Variants in BMP6 observed in about 807,000 individuals in gnomAD.
BMP6 encodes the protein bone morphogenetic protein 6.
Under a neutral mutation model 54.1 loss-of-function variants are expected in BMP6, and 17 were observed. That is an observed-to-expected ratio of 0.31 (90% confidence interval 0.22 to 0.47). The LOEUF (loss-of-function observed/expected upper bound fraction) is 0.47. Ranked by LOEUF, BMP6 falls within the 20% of genes least tolerant of loss-of-function variation. BMP6 has a pLI of 1.00. For synonymous variants in BMP6, 328 were observed against 291.2 expected, an observed-to-expected ratio of 1.13 and a Z score of -1.28; for missense variants, 720 against 690.4, an observed-to-expected ratio of 1.04 and a Z score of -0.48.
At chr6:7,739,283 A>G (rs1309618643) in intron 1 of BMP6, among the ~76,000 whole-genome samples, 3 of 152,156 alleles carry the variant, frequency 2.0e-5, no homozygotes, top group Admixed American at 2.0e-4. Flanking sequence ...AATTTGGGCA[A>G]TTTGGGTAGG....
intron 1 of BMP6, among the ~76,000 whole-genome samples, chr6:7,782,423 G>A (rs1757961315): frequency 6.6e-6 from 1 of 152,136 alleles, no homozygotes; most frequent in Non-Finnish European, 1.5e-5. Context: ...CAAAGTAACT[G>A]AAGCAGCCCA....
intron 1 of BMP6, among the ~76,000 whole-genome samples, chr6:7,788,010 TTAAG>T (rs1419421033): frequency 2.0e-5 from 3 of 152,298 alleles, no homozygotes; most frequent in African/African-American, 7.2e-5. Context: ...TGATATAACT[TTAAG>T]TATAGTTTCA....
chr6:7,802,047 T>C (rs1279609080), intron 1 of BMP6, among the ~76,000 whole-genome samples: 1 of 152,202 alleles, frequency 6.6e-6, no homozygotes, highest in African/African-American at 2.4e-5. Context: ...ATCTGCTTCC[T>C]GAACACAGAG....
At chr6:7,813,835 C>G (rs1189550941) in intron 1 of BMP6, among the ~76,000 whole-genome samples, 2 of 152,218 alleles carry the variant, frequency 1.3e-5, no homozygotes, top group East Asian at 1.9e-4. Context: ...CCCCCTCACC[C>G]CTACTGCCCC....
chr6:7,738,598 C>A (rs1761996966), intron 1 of BMP6, among the ~76,000 whole-genome samples: 1 of 151,730 alleles, frequency 6.6e-6, no homozygotes, highest in Admixed American at 6.6e-5. Flanking sequence ...TTCTCTGTTC[C>A]AGGTTGGACC....
chr6:7,838,337 T>TG (rs1167000393), intron 1 of BMP6, among the ~76,000 whole-genome samples: 1 of 152,168 alleles, frequency 6.6e-6, no homozygotes, highest in East Asian at 1.9e-4. Context: ...AGGCATCCAT[T>TG]GGGGCCCTTG....
intron 2 of BMP6, among the ~76,000 whole-genome samples, chr6:7,848,679 C>T (rs1332736547): frequency 2.0e-5 from 3 of 152,168 alleles, no homozygotes; most frequent in Non-Finnish European, 4.4e-5. Context: ...CTTTTCTGGG[C>T]AGTGGGCAAG....
intron 1 of BMP6, among the ~76,000 whole-genome samples, chr6:7,761,188 A>G (rs1211407466): frequency 6.6e-6 from 1 of 152,220 alleles, no homozygotes; most frequent in African/African-American, 2.4e-5. Flanking sequence ...CAGCTGTTTT[A>G]TGAGACTCTG....
At chr6:7,834,426 A>T (rs556168032) in intron 1 of BMP6, among the ~76,000 whole-genome samples, 176 of 152,286 alleles carry the variant, frequency 1.2e-3, no homozygotes, top group African/African-American at 4.2e-3. Flanking sequence ...ATATAGAAAT[A>T]CAGAAAGAAT....
chr6:7,750,310 C>A (rs373168518), intron 1 of BMP6, among the ~76,000 whole-genome samples: 1 of 151,990 alleles, frequency 6.6e-6, no homozygotes, highest in South Asian at 2.1e-4. Context: ...GAGAGGCTGA[C>A]GTGTAGATAC....
At chr6:7,788,314 C>G (rs1368620031) in intron 1 of BMP6, among the ~76,000 whole-genome samples, 1 of 152,112 alleles carries the variant, frequency 6.6e-6, no homozygotes, top group African/African-American at 2.4e-5. Flanking sequence ...TCATATGCAT[C>G]CTGTATGGAA....
chr6:7,840,148 A>G (rs1225985), intron 1 of BMP6, among the ~76,000 whole-genome samples: 151,997 of 152,314 alleles, frequency 1, 75,841 homozygotes, highest in Middle Eastern at 1. Context: ...CCAGGCCTAC[A>G]TTTTCCATGT....
At chr6:7,841,986 G>A (rs769609403) in intron 1 of BMP6, among the ~76,000 whole-genome samples, 2 of 151,928 alleles carry the variant, frequency 1.3e-5, no homozygotes, top group African/African-American at 2.4e-5. Flanking sequence ...TTCCTTAGTC[G>A]TACATATGGG....
intron 4 of BMP6, among the ~76,000 whole-genome samples, chr6:7,876,875 A>G (rs1411196742): frequency 6.6e-6 from 1 of 150,598 alleles, no homozygotes; most frequent in African/African-American, 2.5e-5. Flanking sequence ...TATTTTAGGT[A>G]TTCTTCCTTT....
At chr6:7,747,438 C>G (rs1325969042) in intron 1 of BMP6, among the ~76,000 whole-genome samples, 2 of 152,090 alleles carry the variant, frequency 1.3e-5, no homozygotes, top group African/African-American at 4.8e-5. Flanking sequence ...GGAAGGGGTC[C>G]CCAGGCCGAG....
intron 1 of BMP6, among the ~76,000 whole-genome samples, chr6:7,799,771 G>A (rs1758242709): frequency 6.6e-6 from 1 of 151,596 alleles, no homozygotes; most frequent in Non-Finnish European, 1.5e-5. Flanking sequence ...TGTCTCTGGT[G>A]CTTAAAAGCA....
chr6:7,877,590 T>G lies in BMP6; in HGVS notation c.1205-1484T>G, dbSNP rs191400245. On this transcript the variant is annotated intron_variant, in intron 4 of 6. Coordinates refer to ENST00000283147, the MANE Select transcript of BMP6 (RefSeq NM_001718.6). Reference sequence around the variant, plus strand: ...GTGAGCCGAGCTCGTGCCATTGCACTTCAGTCTGGGTAACAGAGCAAGACT... The same window carrying G: ...GTGAGCCGAGCTCGTGCCATTGCACGTCAGTCTGGGTAACAGAGCAAGACT... 5.9e-5 allele frequency among the ~76,000 whole-genome samples: 9 copies of G among 152,132 alleles called. No individual in the cohort carries two copies. The East Asian group carries it at 1.4e-3, about 23-fold the overall frequency.
chr6:7,762,562 C>T lies in BMP6; in HGVS notation c.664+34943C>T, dbSNP rs181593542. Among the ~76,000 whole-genome samples, 448 of 152,244 alleles carry T rather than the reference C, an allele frequency of 2.9e-3. 2 individuals carry two copies. The highest frequency in any genetic ancestry group is 5.1e-3 in the Non-Finnish European group (344 of 68,028). ...AAATATATAACATATATACATATGT[C>T]CTAAGTGCTAGCTGAGTAAAACGGC... is the stretch of plus-strand genomic sequence containing the variant. On this transcript the variant is annotated intron_variant, in intron 1 of 6. Coordinates refer to ENST00000283147, the MANE Select transcript of BMP6 (RefSeq NM_001718.6).
At chr6:7,756,753 G>A (rs547608294) in intron 1 of BMP6, among the ~76,000 whole-genome samples, 42 of 152,118 alleles carry the variant, frequency 2.8e-4, no homozygotes, top group Non-Finnish European at 5.3e-4. Flanking sequence ...ATTCAGACAG[G>A]CCTTTATTTT....
Sources: allele counts gnomAD v4.1 joint callset (sites outside exome capture counted in the v4.1 genomes callset), GRCh38; gene constraint gnomAD v4.1.1; transcripts MANE v1.5; gene names NCBI Gene and HGNC (gene_info 2026-07-23, HGNC 2026-07-21).